The following FUT8 variants were observed in gnomAD, a reference collection of about 807,000 sequenced individuals.
FUT8 encodes the protein alpha-(1,6)-fucosyltransferase.
In FUT8, 29 loss-of-function variants were observed where a neutral mutation model predicts 71.3. The observed-to-expected ratio is 0.41, with a 90% CI of 0.30 to 0.55. The LOEUF (loss-of-function observed/expected upper bound fraction) is 0.55, where lower values mean the gene tolerates loss of function less well. Among genes scored for constraint, FUT8 ranks in the 20% least tolerant of loss-of-function variants. The pLI, the probability that FUT8 is intolerant of heterozygous loss-of-function variation, is 0.34. For missense variants in FUT8, 544 were observed against 702.1 expected, an observed-to-expected ratio of 0.77 and a Z score of 2.55; for synonymous variants, 254 against 239.3, an observed-to-expected ratio of 1.06 and a Z score of -0.57.
chr14:65,657,337 G>A (rs545913947), intron 6 of FUT8, among the ~76,000 whole-genome samples: 2 of 152,208 alleles, frequency 1.3e-5, no homozygotes, highest in African/African-American at 2.4e-5. Flanking sequence ...TATAATGAAA[G>A]GAAATCAGTA....
intron 3 of FUT8, among the ~76,000 whole-genome samples, chr14:65,594,962 T>C (rs755739907): frequency 1.1e-4 from 16 of 152,006 alleles, no homozygotes; most frequent in Non-Finnish European, 2.4e-4. Flanking sequence ...AAACAACCAA[T>C]TGGGAGAGAG....
At position 65,476,144 on chromosome 14, in the gene FUT8, CCAATTA is replaced by C. The variant is rs1355470041; in HGVS notation, c.-228+20428_-228+20433del. On this transcript the variant is annotated intron_variant, in intron 2 of 10. Coordinates refer to ENST00000673929, the MANE Select transcript of FUT8 (RefSeq NM_001371533.1). ...ACTATAGGATATTAGAACTACAACT[CCAATTA>C]CTCCTTCACTCTCATCTTTTTCCCT... 2.6e-5 allele frequency among the ~76,000 whole-genome samples: 4 copies of C among 152,248 alleles called. No individual in the cohort carries two copies. The East Asian group carries it at 7.7e-4, about 29-fold the overall frequency.
chr14:65,357,662 G>C, the FUT8 span, among the ~76,000 whole-genome samples: 6 of 152,272 alleles, frequency 3.9e-5, no homozygotes, highest in Admixed American at 1.3e-4. Context: ...GTAAACCTCG[G>C]CTCTGTCACT....
In FUT8 at chr14:65,627,733, C is replaced by T. The variant is rs944662231; in HGVS notation, c.483-1759C>T. On this transcript the variant is annotated intron_variant, in intron 5 of 10. Coordinates refer to ENST00000673929, the MANE Select transcript of FUT8 (RefSeq NM_001371533.1). The surrounding 1 kb of genome is among the most constrained non-coding windows in gnomAD (Gnocchi z 4.0). ...GTCTGCCATTTTGCCTCTTAGTACG[C>T]GTTTGAGCCAACTCACACAACTCTT... Among the ~76,000 whole-genome samples the T allele has an allele frequency of 2.0e-4, 30 of 152,174 alleles. No homozygotes were observed. The highest frequency in any genetic ancestry group is 4.1e-4 in the African/African-American group (17 of 41,438).
chr14:65,694,224 T>G (rs966557146), intron 7 of FUT8, among the ~76,000 whole-genome samples: 1 of 152,216 alleles, frequency 6.6e-6, no homozygotes, highest in Non-Finnish European at 1.5e-5. Context: ...TAATTTGTGC[T>G]TTTTTCTAGT....
chr14:65,677,151 T>TGTGTGTGCGCGCGCGCGCGC, intron 7 of FUT8, among the ~76,000 whole-genome samples: 13 of 110,736 alleles, frequency 1.2e-4, no homozygotes, highest in Non-Finnish European at 1.3e-4. Flanking sequence ...TGTGTGTGTG[T>TGTGTGTGCGCGCGCGCGCGC]GCGCGCGCGC....
chr14:65,415,988 A>G (rs2065214353), intron 1 of FUT8, among the ~76,000 whole-genome samples: 1 of 152,162 alleles, frequency 6.6e-6, no homozygotes, highest in Non-Finnish European at 1.5e-5. Flanking sequence ...TCATTGGAAT[A>G]TTGGTTTTTT....
Position 65,439,954 on chromosome 14 carries a change from G to GTGTGTATA in FUT8, c.-325-15666_-325-15665insGTGTATAT. ...ATAAAGAAAATGTGTGTGTGTGTGT[G>GTGTGTATA]TATATATATATATATATATATATAT... On this transcript the variant is annotated intron_variant, in intron 1 of 10. Coordinates refer to ENST00000673929, the MANE Select transcript of FUT8 (RefSeq NM_001371533.1). Among the ~76,000 whole-genome samples the GTGTGTATA allele has an allele frequency of 8.6e-3, 647 of 74,870 alleles. 7 individuals carry two copies. Among genetic ancestry groups the GTGTGTATA allele is most frequent in the East Asian group, 0.021 (34 of 1,638 alleles). The allele number at this position is 74,870 out of a possible 152,430, so 49.1% of individuals were successfully genotyped here.
rs755730870 is a variant in FUT8, at chr14:65,742,437, A to C, written c.*27A>C. ...GCTCAGATGGAAGAGATAAACGACC[A>C]AACTCAGTTCGACCAAACTCAGTTC... is the stretch of plus-strand genomic sequence containing the variant. On this transcript the variant is annotated 3_prime_UTR_variant, in exon 11 of 11. Coordinates refer to ENST00000673929, the MANE Select transcript of FUT8 (RefSeq NM_001371533.1). The C allele has an allele frequency of 5.0e-6, 8 of 1,593,508 alleles. No individual in the cohort carries two copies. The highest frequency in any genetic ancestry group is 3.4e-5 in the Admixed American group (2 of 58,018).
chr14:65,692,000 T>A (rs1174773889), intron 7 of FUT8, among the ~76,000 whole-genome samples: 6 of 151,066 alleles, frequency 4.0e-5, no homozygotes, highest in Admixed American at 2.6e-4. Flanking sequence ...CATGTCTACT[T>A]CTTTCTACAC....
chr14:65,620,276 G>A (rs1379260694), intron 5 of FUT8, among the ~76,000 whole-genome samples: 1 of 151,874 alleles, frequency 6.6e-6, no homozygotes, highest in African/African-American at 2.4e-5. Context: ...TGAAACTATT[G>A]AAAAACAATC....
At chr14:65,616,965 C>CA in intron 5 of FUT8, 1 of 1,124,280 alleles carries the variant, frequency 8.9e-7, no homozygotes, top group African/African-American at 1.6e-5. Context: ...GTTTATCTTC[C>CA]ACAGAAAAGA....
chr14:65,428,305 G>T (rs75286769), intron 1 of FUT8, among the ~76,000 whole-genome samples: 1 of 152,070 alleles, frequency 6.6e-6, no homozygotes, highest in African/African-American at 2.4e-5. Context: ...GAATTCTTAC[G>T]TTGAGACCTA....
At chr14:65,451,223 A>C (rs1391455719) in intron 1 of FUT8, among the ~76,000 whole-genome samples, 1 of 152,190 alleles carries the variant, frequency 6.6e-6, no homozygotes, top group Non-Finnish European at 1.5e-5. Context: ...AATTGGAGTG[A>C]ATGAGTACTG....
upstream of FUT8, among the ~76,000 whole-genome samples, chr14:65,407,974 T>C (rs182986647): frequency 3.1e-4 from 47 of 152,304 alleles, no homozygotes; most frequent in African/African-American, 1.1e-3. Context: ...TTCAGTCTGA[T>C]TGGGCCAGTT....
chr14:65,691,313 G>A (rs1201899573), intron 7 of FUT8, among the ~76,000 whole-genome samples: 1 of 150,970 alleles, frequency 6.6e-6, no homozygotes, highest in Non-Finnish European at 1.5e-5. Flanking sequence ...ATGGTGAGAG[G>A]GGCCATCCTT....
intron 7 of FUT8, among the ~76,000 whole-genome samples, chr14:65,704,689 T>C (rs2140495040): frequency 6.6e-6 from 1 of 152,322 alleles, no homozygotes; most frequent in East Asian, 1.9e-4. Flanking sequence ...AAAGCAACTT[T>C]TATATGTTTA....
At chr14:65,381,070 T>G in the FUT8 span, among the ~76,000 whole-genome samples, 1 of 152,208 alleles carries the variant, frequency 6.6e-6, no homozygotes, top group African/African-American at 2.4e-5. Context: ...AAAGTTATAT[T>G]TTTTTACATT....
At chr14:65,730,074 C>T (rs1285654814) in intron 9 of FUT8, among the ~76,000 whole-genome samples, 1 of 152,050 alleles carries the variant, frequency 6.6e-6, no homozygotes, top group Admixed American at 6.6e-5. Context: ...TCATAAAAAT[C>T]TCTGCCATTG....
Sources: gnomAD v4.1 joint callset for allele counts (sites outside exome capture counted in the v4.1 genomes callset) on GRCh38, gnomAD v4.1.1 for gene constraint, Gnocchi (gnomAD v3.1) non-coding constraint, MANE v1.5 for transcripts, NCBI Gene and HGNC (gene_info 2026-07-23, HGNC 2026-07-21) for gene names.